The following DMD variants were observed in gnomAD, a reference collection of about 807,000 sequenced individuals.
DMD encodes the protein dystrophin.
In DMD, 63 loss-of-function variants were observed where a neutral mutation model predicts 330.1. That is an observed-to-expected ratio of 0.19 (90% CI 0.16 to 0.24). The LOEUF (loss-of-function observed/expected upper bound fraction) is 0.24, where lower values mean the gene tolerates loss of function less well. Ranked by LOEUF, DMD falls within the 10% of genes least tolerant of loss-of-function variation. The probability of loss-of-function intolerance (pLI) is 1.00; values close to 1 mark genes in which losing one functional copy is unlikely to be tolerated. For missense variants in DMD, 3,344 were observed against 2,684.1 expected (o/e 1.25, Z -5.43); for synonymous variants, 1,223 against 959.8 (o/e 1.27, Z -5.07).
intron 1 of DMD, among the ~76,000 whole-genome samples, chrX:33,317,989 AATC>A (rs1159343416): frequency 9.0e-6 from 1 of 111,383 alleles, no homozygotes. Flanking sequence ...GATAAAATGA[AATC>A]ATCATCATCA....
chrX:31,241,320 C>G (rs1011429818), intron 63 of DMD, among the ~76,000 whole-genome samples: 2 of 111,135 alleles, frequency 1.8e-5, no homozygotes, highest in African/African-American at 3.3e-5. Flanking sequence ...AGAAAATTAC[C>G]TATTTTCTCT....
chrX:32,417,285 T>C (rs1485118384), intron 29 of DMD, among the ~76,000 whole-genome samples: 1 of 111,423 alleles, frequency 9.0e-6, no homozygotes, highest in Non-Finnish European at 1.9e-5. Context: ...CTGAAGGTTT[T>C]AGAAAGAATC....
intron 20 of DMD, among the ~76,000 whole-genome samples, chrX:32,485,884 C>A (rs1055714820): frequency 9.3e-6 from 1 of 107,648 alleles, no homozygotes; most frequent in African/African-American, 3.4e-5. Context: ...GCTGGGATTA[C>A]AGGTGCCCGC....
At chrX:31,438,269 T>TA (rs747222786) in intron 60 of DMD, among the ~76,000 whole-genome samples, 2 of 111,375 alleles carry the variant, frequency 1.8e-5, no homozygotes, top group South Asian at 7.6e-4. Flanking sequence ...CATATATATA[T>TA]TTTTTTAACT....
intron 47 of DMD, among the ~76,000 whole-genome samples, chrX:31,898,825 G>A (rs892650624): frequency 3.6e-5 from 4 of 112,026 alleles, no homozygotes; most frequent in African/African-American, 1.3e-4. Context: ...TGATACAGAA[G>A]AATAGCGAAT....
intron 67 of DMD, among the ~76,000 whole-genome samples, chrX:31,187,286 G>GAAC (rs2041859990): frequency 8.9e-6 from 1 of 112,101 alleles, no homozygotes; most frequent in African/African-American, 3.2e-5. Context: ...CTTGGTCTTT[G>GAAC]AACAGCCCTT....
intron 9 of DMD, among the ~76,000 whole-genome samples, chrX:32,677,125 AAG>A (rs1428866285): frequency 1.8e-5 from 2 of 111,485 alleles, no homozygotes; most frequent in East Asian, 2.8e-4. Context: ...ATTAATTGAA[AAG>A]AGTCTAGTGT....
At chrX:31,610,285 CT>C (rs1160919073) in intron 55 of DMD, among the ~76,000 whole-genome samples, 1 of 111,914 alleles carries the variant, frequency 8.9e-6, no homozygotes, top group Non-Finnish European at 1.9e-5. Context: ...ATAAAATAAT[CT>C]TCTTTGCTAG....
chrX:32,821,171 G>C (rs1380598866), intron 5 of DMD, among the ~76,000 whole-genome samples: 4 of 111,470 alleles, frequency 3.6e-5, no homozygotes, highest in Non-Finnish European at 5.6e-5. Flanking sequence ...AGCCTGTTCA[G>C]AGAATTTGGA....
chrX:31,161,046 CTCTT>C (rs2038749563), intron 74 of DMD, among the ~76,000 whole-genome samples: 1 of 111,486 alleles, frequency 9.0e-6, no homozygotes, highest in African/African-American at 3.3e-5. Flanking sequence ...GAAACAGCCT[CTCTT>C]TCATAGGGTT....
chrX:32,365,143 T>C lies in DMD; in HGVS notation c.4902A>G (p.Val1634=). The change falls in exon 35 of 79, where the codon GTA becomes GTG. Residue 1634 remains valine, a synonymous_variant. Transcript: ENST00000357033. ...CCAAAACTGTTTTCAAGGCCTCTCC[T>C]ACCTCTGTGATACTCTTCAGGTGCA... ...QKVHLKSITE[V]GEALKTVLGK... 2.5e-6 allele frequency: 3 copies of C among 1,210,914 alleles called. No individual in the cohort carries two copies. Among genetic ancestry groups the C allele is most frequent in the Non-Finnish European group, 3.4e-6 (3 of 894,990 alleles).
chrX:32,528,113 A>C (rs2047091122), intron 17 of DMD, among the ~76,000 whole-genome samples: 1 of 111,758 alleles, frequency 8.9e-6, no homozygotes, highest in Admixed American at 9.5e-5. Flanking sequence ...GTTCAGGACC[A>C]ACCTGGCCAC....
At chrX:32,481,933 T>C (rs113733230) in intron 21 of DMD, among the ~76,000 whole-genome samples, 1,247 of 111,968 alleles carry the variant, frequency 0.011, 16 homozygotes, top group African/African-American at 0.039. Flanking sequence ...AGCAAGACTC[T>C]GTTCTGAAAG....
In DMD at chrX:32,729,345, G is replaced by T. The variant is rs73209883; in HGVS notation, c.650-30052C>A. Among the ~76,000 whole-genome samples the T allele has an allele frequency of 6.2e-3, 694 of 112,077 alleles. 2 individuals carry two copies. Among genetic ancestry groups the T allele is most frequent in the South Asian group, 0.01 (27 of 2,692 alleles). ...ATTTTGGGGCAAGTTTTATTATAGG[G>T]AAAGCTAACATTGCCCAATATTTAG... On this transcript the variant is annotated intron_variant, in intron 7 of 78. Coordinates refer to ENST00000357033, the MANE Select transcript of DMD (RefSeq NM_004006.3).
At chrX:33,192,500 C>T (rs1348519494) in intron 1 of DMD, among the ~76,000 whole-genome samples, 1 of 112,002 alleles carries the variant, frequency 8.9e-6, no homozygotes, top group African/African-American at 3.2e-5. Flanking sequence ...CAGTAATATG[C>T]AACAATTTAA....
intron 1 of DMD, among the ~76,000 whole-genome samples, chrX:33,028,780 T>C (rs949762): frequency 0.24 from 26,933 of 111,725 alleles, 2,619 homozygotes; most frequent in Non-Finnish European, 0.3. Context: ...TTTAACTGTA[T>C]GTGTATGGAC....
At position 32,773,099 on chromosome X, in the gene DMD, G is replaced by A. The variant is rs773573696; in HGVS notation, c.649+36394C>T. The stretch of plus-strand genomic sequence containing the variant: ...TGAAGGTGGTGCTTACCCTTTCCCT[G>A]TAAATTTAACAAGCTCAGCTTTGGG... On this transcript the variant is annotated intron_variant, in intron 7 of 78. Transcript: ENST00000357033. 9.8e-5 allele frequency among the ~76,000 whole-genome samples: 11 copies of A among 111,895 alleles called. No homozygotes were observed. The South Asian group carries it at 4.1e-3, about 42-fold the overall frequency.
chrX:31,446,597 C>T (rs764679610), intron 59 of DMD, among the ~76,000 whole-genome samples: 1 of 111,627 alleles, frequency 9.0e-6, no homozygotes, highest in Admixed American at 9.5e-5. Flanking sequence ...TGTTCCATTT[C>T]CTTATGAATA....
intron 43 of DMD, among the ~76,000 whole-genome samples, chrX:32,247,670 C>T (rs1367408850): frequency 9.0e-6 from 1 of 111,414 alleles, no homozygotes; most frequent in Non-Finnish European, 1.9e-5. Context: ...TCCTTCCAGA[C>T]TGAGACCCCC....
Sources: gnomAD v4.1 joint callset for allele counts (sites outside exome capture counted in the v4.1 genomes callset) on GRCh38, gnomAD v4.1.1 for gene constraint, MANE v1.5 for transcripts, NCBI Gene and HGNC (gene_info 2026-07-23, HGNC 2026-07-21) for gene names.